The following SEMA5A variants were observed in gnomAD, a reference collection of about 807,000 sequenced individuals.
The protein encoded by SEMA5A is semaphorin-5A.
A neutral mutation model predicts 135.5 loss-of-function variants in SEMA5A; 55 were observed. The ratio of observed to expected loss-of-function variants is 0.41; its 90% CI spans 0.33 to 0.51. The LOEUF (loss-of-function observed/expected upper bound fraction) is 0.51, where lower values mean the gene tolerates loss of function less well. Ranked by LOEUF, SEMA5A falls within the 20% of genes least tolerant of loss-of-function variation. SEMA5A has a pLI of 0.37. For synonymous variants in SEMA5A, 580 were observed against 546.5 expected (o/e 1.06, Z -0.85); for missense variants, 1,290 against 1,419.9 (o/e 0.91, Z 1.47).
At chr5:9,468,807 T>C (rs575401960) in intron 1 of SEMA5A, among the ~76,000 whole-genome samples, 45 of 152,340 alleles carry the variant, frequency 3.0e-4, no homozygotes, top group African/African-American at 9.9e-4. Flanking sequence ...ATATTTCTAT[T>C]AATTTCAAAA....
intron 5 of SEMA5A, among the ~76,000 whole-genome samples, chr5:9,269,783 T>C (rs562633645): frequency 1.1e-4 from 16 of 152,270 alleles, no homozygotes; most frequent in African/African-American, 3.6e-4. Context: ...GTAATAAATC[T>C]GCATATGCAA....
intron 5 of SEMA5A, among the ~76,000 whole-genome samples, chr5:9,290,993 G>A (rs1229495628): frequency 1.3e-5 from 2 of 152,162 alleles, no homozygotes; most frequent in South Asian, 2.1e-4. Context: ...TTGACATATT[G>A]AGCAAGTGAG....
chr5:9,490,089 T>C (rs887546843), intron 1 of SEMA5A, among the ~76,000 whole-genome samples: 2 of 152,108 alleles, frequency 1.3e-5, no homozygotes, highest in African/African-American at 4.8e-5. Flanking sequence ...GCAGGTAAGA[T>C]AATAAAAAAT....
Position 9,449,738 on chromosome 5 carries a change from A to G in SEMA5A, c.-174-11886T>C, listed in dbSNP as rs537242108. On this transcript the variant is annotated intron_variant, in intron 1 of 22. Coordinates refer to ENST00000382496, the MANE Select transcript of SEMA5A (RefSeq NM_003966.3). ...AAATTAACCCGGGTGGTACCTGGAGATGACCTAAGCCTCACCCAGATCTAG... is the reference window on the plus strand; with the variant it reads ...AAATTAACCCGGGTGGTACCTGGAGGTGACCTAAGCCTCACCCAGATCTAG... Among the ~76,000 whole-genome samples the G allele has an allele frequency of 2.0e-5, 3 of 152,302 alleles. No individual in the cohort carries two copies. The East Asian group carries it at 5.8e-4, about 29-fold the overall frequency.
intron 2 of SEMA5A, among the ~76,000 whole-genome samples, chr5:9,380,760 A>G (rs1413532376): frequency 1.3e-5 from 2 of 152,238 alleles, no homozygotes; most frequent in African/African-American, 2.4e-5. Context: ...AAAAATAACT[A>G]TAATCCAAGC....
intron 5 of SEMA5A, among the ~76,000 whole-genome samples, chr5:9,306,057 T>C (rs779410603): frequency 2.6e-5 from 4 of 152,228 alleles, no homozygotes; most frequent in African/African-American, 9.6e-5. Context: ...CTTTTTCTGT[T>C]ACTTGATTAT....
chr5:9,304,908 T>C (rs927699511), intron 5 of SEMA5A, among the ~76,000 whole-genome samples: 1 of 152,214 alleles, frequency 6.6e-6, no homozygotes, highest in Non-Finnish European at 1.5e-5. Context: ...TCTATGTAGT[T>C]ATTATCTTTT....
Position 9,041,035 on chromosome 5 carries a change from A to G in SEMA5A, c.*1862T>C, listed in dbSNP as rs1735938389. 6.6e-6 allele frequency: 1 copy of G among 152,220 alleles called. No individual in the cohort carries two copies. Among genetic ancestry groups the G allele is most frequent in the Non-Finnish European group, 1.5e-5 (1 of 68,042 alleles). The allele number at this position is 152,220 out of a possible 1,614,324, so 9.4% of individuals were successfully genotyped here. On this transcript the variant is annotated 3_prime_UTR_variant, in exon 23 of 23. Transcript: ENST00000382496. ...GTGCATATAGACAGAAGACTCTGAC[A>G]TATGAGGAATGAGTGAGAGGCAACA...
At chr5:9,378,914 A>C (rs1262064652) in intron 3 of SEMA5A, among the ~76,000 whole-genome samples, 1 of 151,796 alleles carries the variant, frequency 6.6e-6, no homozygotes, top group Non-Finnish European at 1.5e-5. Context: ...CTGAAATCTG[A>C]TGGATAAAAT....
At chr5:9,131,649 AAAAAAAAAAC>A (rs1741437562) in intron 13 of SEMA5A, among the ~76,000 whole-genome samples, 1 of 45,172 alleles carries the variant, frequency 2.2e-5, no homozygotes. Flanking sequence ...AAAAAAAAAA[AAAAAAAAAAC>A]CTGTCATGTG....
intron 1 of SEMA5A, among the ~76,000 whole-genome samples, chr5:9,506,592 G>T (rs1440351388): frequency 2.6e-5 from 4 of 152,172 alleles, no homozygotes; most frequent in African/African-American, 7.2e-5. Context: ...CTCAAAATAA[G>T]GTCTAAGATG....
chr5:9,068,617 C>T (rs1036034836), intron 16 of SEMA5A, among the ~76,000 whole-genome samples: 2 of 152,136 alleles, frequency 1.3e-5, no homozygotes, highest in African/African-American at 4.8e-5. Flanking sequence ...GGTCTAGTCC[C>T]CTTGGTGGAG....
intron 5 of SEMA5A, among the ~76,000 whole-genome samples, chr5:9,297,841 T>G (rs1445288582): frequency 7.2e-5 from 11 of 151,896 alleles, no homozygotes; most frequent in African/African-American, 2.7e-4. Context: ...GGGTTACAGG[T>G]GTGAATCACT....
At chr5:9,417,347 T>A (rs1399620380) in intron 2 of SEMA5A, among the ~76,000 whole-genome samples, 1 of 152,260 alleles carries the variant, frequency 6.6e-6, no homozygotes, top group Admixed American at 6.5e-5. Context: ...AGTTACCATA[T>A]TTACGTGTGC....
At chr5:9,132,863 C>A (rs1741511346) in intron 13 of SEMA5A, among the ~76,000 whole-genome samples, 1 of 152,176 alleles carries the variant, frequency 6.6e-6, no homozygotes, top group East Asian at 1.9e-4. Flanking sequence ...TATTTGGTCT[C>A]ATTCAAAAAT....
At chr5:9,228,498 T>C (rs955725416) in intron 6 of SEMA5A, among the ~76,000 whole-genome samples, 1 of 152,218 alleles carries the variant, frequency 6.6e-6, no homozygotes, top group African/African-American at 2.4e-5. Context: ...TGAGTTCACA[T>C]GTTACTCTGA....
intron 2 of SEMA5A, among the ~76,000 whole-genome samples, chr5:9,419,928 C>T (rs1757407811): frequency 6.6e-6 from 1 of 152,140 alleles, no homozygotes; most frequent in Admixed American, 6.5e-5. Flanking sequence ...AGTAGATACT[C>T]TTTGATGTAC....
At chr5:9,255,910 T>A (rs1015364614) in intron 5 of SEMA5A, among the ~76,000 whole-genome samples, 4 of 124,118 alleles carry the variant, frequency 3.2e-5, no homozygotes, top group African/African-American at 1.2e-4. Flanking sequence ...CCAACTTGCT[T>A]CTCCCCTAGT....
intron 6 of SEMA5A, among the ~76,000 whole-genome samples, chr5:9,236,430 G>C (rs1747913032): frequency 6.6e-6 from 1 of 152,164 alleles, no homozygotes; most frequent in Non-Finnish European, 1.5e-5. Context: ...GTGGGGCCGA[G>C]GGCCGAGCCA....
Sources: allele counts gnomAD v4.1 joint callset (sites outside exome capture counted in the v4.1 genomes callset), GRCh38; gene constraint gnomAD v4.1.1; transcripts MANE v1.5; gene names NCBI Gene and HGNC (gene_info 2026-07-23, HGNC 2026-07-21).